SUCLG2: variants seen among roughly 807,000 people sequenced by gnomAD.
The protein encoded by SUCLG2 is succinate-CoA ligase GDP-forming subunit beta, also known as succinate--CoA ligase [GDP-forming] subunit beta, mitochondrial.
Under a neutral mutation model 47.9 loss-of-function variants are expected in SUCLG2, and 42 were observed. The observed-to-expected ratio is 0.88, with a 90% CI of 0.69 to 1.14. SUCLG2 has a LOEUF of 1.14. SUCLG2 is among the 50% of genes most tolerant of loss of function. SUCLG2 has a pLI of 0.00. For synonymous variants in SUCLG2, 195 were observed against 197.3 expected, an observed-to-expected ratio of 0.99 and a Z score of 0.10; for missense variants, 571 against 525.9, an observed-to-expected ratio of 1.09 and a Z score of -0.84.
chr3:67,504,574 C>T (rs574756926), intron 7 of SUCLG2, among the ~76,000 whole-genome samples: 1 of 152,236 alleles, frequency 6.6e-6, no homozygotes, highest in East Asian at 1.9e-4. Flanking sequence ...AATCTCTAGA[C>T]TATGGACAGA....
chr3:67,607,432 T>C (rs1700439364), intron 2 of SUCLG2, among the ~76,000 whole-genome samples: 1 of 152,204 alleles, frequency 6.6e-6, no homozygotes, highest in Non-Finnish European at 1.5e-5. Flanking sequence ...TTTCACCCTT[T>C]TTTTCATTTT....
chr3:67,491,434 G>A (rs1705205126), intron 9 of SUCLG2, among the ~76,000 whole-genome samples: 1 of 143,290 alleles, frequency 7.0e-6, no homozygotes, highest in Non-Finnish European at 1.5e-5. Context: ...GCACAATCTC[G>A]GCTCACTGCA....
rs140223991 is a variant in SUCLG2, at chr3:67,558,976, A to C, written c.227-29790T>G. On this transcript the variant is annotated intron_variant, in intron 2 of 10. Coordinates refer to ENST00000307227, the MANE Select transcript of SUCLG2 (RefSeq NM_003848.4). ...ATTCAAGATAAGCAGTGTGACAAAA[A>C]ATAAAAATCCTTGATTTTATTAGTC... is the stretch of plus-strand genomic sequence containing the variant. 5.8e-4 allele frequency among the ~76,000 whole-genome samples: 89 copies of C among 152,318 alleles called. No individual in the cohort carries two copies. The East Asian group carries it at 0.016, about 27-fold the overall frequency.
At chr3:67,610,523 C>A (rs527346330) in intron 1 of SUCLG2, among the ~76,000 whole-genome samples, 40 of 147,764 alleles carry the variant, frequency 2.7e-4, no homozygotes, top group South Asian at 1.3e-3. Context: ...AAAAAAAAAA[C>A]CAGGAAAAAT....
In SUCLG2 at chr3:67,498,289, C is replaced by A; in HGVS notation, c.764G>T (p.Cys255Phe). Residue 255 changes from cysteine (C) to phenylalanine (F), a missense_variant, in exon 8 of 11, where the codon TGT becomes TTT. By Grantham distance (205) the Cys-to-Phe change is radical. Coordinates refer to ENST00000307227, the MANE Select transcript of SUCLG2 (RefSeq NM_003848.4). ...FGETPEGQVVCFDAKINFDDN... is the reference protein window; with the variant it reads ...FGETPEGQVVFFDAKINFDDN... ...ATCAAAGTTTATCTTGGCATCAAAACAGACAACTAAATAAAGAAGAAAACA... is the reference window on the plus strand; with the variant it reads ...ATCAAAGTTTATCTTGGCATCAAAAAAGACAACTAAATAAAGAAGAAAACA... The A allele has an allele frequency of 6.2e-7, 1 of 1,611,046 alleles. No individual in the cohort carries two copies. Among genetic ancestry groups the A allele is most frequent in the Non-Finnish European group, 8.5e-7 (1 of 1,179,596 alleles).
At chr3:67,627,268 C>G (rs919256113) in intron 1 of SUCLG2, among the ~76,000 whole-genome samples, 2 of 152,096 alleles carry the variant, frequency 1.3e-5, no homozygotes, top group African/African-American at 4.8e-5. Context: ...TGCTTTAAAT[C>G]CCATGGAATT....
At chr3:67,396,072 A>G (rs915772806) in intron 10 of SUCLG2, among the ~76,000 whole-genome samples, 20 of 152,130 alleles carry the variant, frequency 1.3e-4, no homozygotes, top group Admixed American at 1.2e-3. Flanking sequence ...GAAAGCAGGA[A>G]AGATCCAAAA....
chr3:67,443,890 C>A (rs1575699856), intron 9 of SUCLG2, among the ~76,000 whole-genome samples: 1 of 85,180 alleles, frequency 1.2e-5, no homozygotes, highest in African/African-American at 3.8e-5. Context: ...AGCCTCTCCA[C>A]CCGGCAGCCA....
intron 1 of SUCLG2, 46 bp from the exon 2 acceptor site, chr3:67,609,642 GA>G (rs1206330796): frequency 1.3e-6 from 2 of 1,581,564 alleles, no homozygotes; most frequent in African/African-American, 2.7e-5. Context: ...TTAATAGCAA[GA>G]AAAATAAAAG....
chr3:67,462,619 G>A (rs544419961), intron 9 of SUCLG2, among the ~76,000 whole-genome samples: 1 of 152,228 alleles, frequency 6.6e-6, no homozygotes, highest in Admixed American at 6.5e-5. Flanking sequence ...TTCTTTATCT[G>A]TATCTTCTGT....
chr3:67,462,405 T>C (rs1704359420), intron 9 of SUCLG2, among the ~76,000 whole-genome samples: 1 of 152,154 alleles, frequency 6.6e-6, no homozygotes, highest in African/African-American at 2.4e-5. Flanking sequence ...CTCAGTCTAC[T>C]AGCATTAGAT....
intron 2 of SUCLG2, among the ~76,000 whole-genome samples, chr3:67,547,251 T>TG (rs1353616564): frequency 6.6e-6 from 1 of 152,184 alleles, no homozygotes. Flanking sequence ...CCTCAGACAC[T>TG]GCATCAGCCT....
chr3:67,641,794 A>G (rs905370196), intron 1 of SUCLG2, among the ~76,000 whole-genome samples: 3 of 152,160 alleles, frequency 2.0e-5, no homozygotes, highest in Non-Finnish European at 4.4e-5. Context: ...TAGGAGGCTT[A>G]AAGTCTGAGA....
chr3:67,606,894 C>T (rs1271472462), intron 2 of SUCLG2, among the ~76,000 whole-genome samples: 1 of 152,168 alleles, frequency 6.6e-6, no homozygotes, highest in Non-Finnish European at 1.5e-5. Context: ...GAAGAGAATG[C>T]ATATACATTT....
At chr3:67,520,010 T>C (rs941538502) in intron 5 of SUCLG2, among the ~76,000 whole-genome samples, 29 of 152,176 alleles carry the variant, frequency 1.9e-4, no homozygotes, top group African/African-American at 6.5e-4. Context: ...TGATAGAATC[T>C]AGACTTCATA....
chr3:67,623,655 T>A (rs941138470), intron 1 of SUCLG2, among the ~76,000 whole-genome samples: 5 of 152,180 alleles, frequency 3.3e-5, no homozygotes, highest in African/African-American at 9.7e-5. Flanking sequence ...TCAGAGCAGA[T>A]CCTTTACAAT....
intron 1 of SUCLG2, among the ~76,000 whole-genome samples, chr3:67,612,817 A>G (rs1241417768): frequency 6.6e-6 from 1 of 152,216 alleles, no homozygotes; most frequent in Admixed American, 6.5e-5. Flanking sequence ...AGGTTATTTT[A>G]CCTGTGCTTC....
chr3:67,433,671 C>G (rs1213550871), intron 9 of SUCLG2, among the ~76,000 whole-genome samples: 1 of 152,032 alleles, frequency 6.6e-6, no homozygotes, highest in Non-Finnish European at 1.5e-5. Flanking sequence ...GCAAACTGCT[C>G]AAATGCCCAG....
intron 2 of SUCLG2, among the ~76,000 whole-genome samples, chr3:67,540,260 G>C (rs2107172680): frequency 6.6e-6 from 1 of 152,018 alleles, no homozygotes; most frequent in East Asian, 1.9e-4. Context: ...GGTACGTTGT[G>C]TCTTTGTTCT....
Sources: allele counts gnomAD v4.1 joint callset (sites outside exome capture counted in the v4.1 genomes callset), GRCh38; gene constraint gnomAD v4.1.1; transcripts MANE v1.5; gene names NCBI Gene and HGNC (gene_info 2026-07-23, HGNC 2026-07-21).